The following MAGI2 variants were observed in gnomAD, a reference collection of about 807,000 sequenced individuals.
The protein encoded by MAGI2 is membrane associated guanylate kinase, WW and PDZ domain containing 2.
MAGI2 carries 35 observed loss-of-function variants against 133.3 expected under a neutral mutation model. The ratio of observed to expected loss-of-function variants is 0.26; its 90% CI spans 0.20 to 0.35. The LOEUF (loss-of-function observed/expected upper bound fraction) is 0.35. Among genes scored for constraint, MAGI2 ranks in the 10% least tolerant of loss-of-function variants. The probability of loss-of-function intolerance (pLI) is 1.00; values close to 1 mark genes in which losing one functional copy is unlikely to be tolerated. For missense variants in MAGI2, 1,636 were observed against 1,863.4 expected (o/e 0.88, Z 2.25); for synonymous variants, 729 against 710.6 (o/e 1.03, Z -0.41).
chr7:78,391,500 A>G (rs2151316391), intron 6 of MAGI2, among the ~76,000 whole-genome samples: 1 of 152,362 alleles, frequency 6.6e-6, no homozygotes, highest in East Asian at 1.9e-4. Flanking sequence ...TGCTTTTGAC[A>G]GCATCAGAAA....
At chr7:79,230,779 A>C (rs1192111078) in intron 1 of MAGI2, among the ~76,000 whole-genome samples, 1 of 151,838 alleles carries the variant, frequency 6.6e-6, no homozygotes, top group African/African-American at 2.4e-5. Context: ...TTCGCTGTGC[A>C]GAAGCTCTTT....
intron 2 of MAGI2, among the ~76,000 whole-genome samples, chr7:78,848,213 T>C (rs968853753): frequency 2.0e-5 from 3 of 151,828 alleles, no homozygotes; most frequent in South Asian, 4.1e-4. Flanking sequence ...CATCTTCCTC[T>C]AGCACGCTCC....
intron 9 of MAGI2, among the ~76,000 whole-genome samples, chr7:78,279,666 C>T (rs759866675): frequency 6.6e-6 from 1 of 151,930 alleles, no homozygotes; most frequent in Admixed American, 6.6e-5. Flanking sequence ...TGTTCAGATC[C>T]CTCTGAGTGG....
At chr7:78,309,342 G>C (rs1798500691) in intron 9 of MAGI2, among the ~76,000 whole-genome samples, 1 of 152,146 alleles carries the variant, frequency 6.6e-6, no homozygotes, top group Non-Finnish European at 1.5e-5. Flanking sequence ...ATACACCATG[G>C]AATACTATGC....
chr7:78,864,901 A>G (rs1237506907), intron 2 of MAGI2, among the ~76,000 whole-genome samples: 9 of 152,186 alleles, frequency 5.9e-5, no homozygotes, highest in Admixed American at 1.3e-4. Context: ...GAAGAAACAC[A>G]TGTGAGCAAA....
At chr7:79,188,483 T>C (rs965731156) in intron 1 of MAGI2, among the ~76,000 whole-genome samples, 1 of 151,898 alleles carries the variant, frequency 6.6e-6, no homozygotes, top group Non-Finnish European at 1.5e-5. Flanking sequence ...TGCATAGTAT[T>C]CCATGGTGTA....
chr7:78,785,003 C>T (rs1201885834), intron 2 of MAGI2, among the ~76,000 whole-genome samples: 1 of 152,130 alleles, frequency 6.6e-6, no homozygotes, highest in Non-Finnish European at 1.5e-5. Context: ...CTAAGATTAA[C>T]AGGCCTTTCT....
At chr7:79,236,350 G>A (rs1434645290) in intron 1 of MAGI2, among the ~76,000 whole-genome samples, 1 of 152,186 alleles carries the variant, frequency 6.6e-6, no homozygotes, top group Non-Finnish European at 1.5e-5. Flanking sequence ...GTTAGCCTGG[G>A]GTTCTGTTGA....
In MAGI2 at chr7:79,182,046, G is replaced by A. The variant is rs187037132; in HGVS notation, c.302-174840C>T. On this transcript the variant is annotated intron_variant, in intron 1 of 21. Coordinates refer to ENST00000354212, the MANE Select transcript of MAGI2 (RefSeq NM_012301.4). ...GTCAAAGCCATTCAAGAAGTCTCGA[G>A]GGAGCTCTAAACTGTCCCACATTTT... Among the ~76,000 whole-genome samples the A allele has an allele frequency of 1.3e-3, 198 of 152,038 alleles. 2 individuals carry two copies. In the Middle Eastern group the frequency reaches 0.021, roughly 16 times the overall value.
chr7:78,489,968 T>C, intron 5 of MAGI2, 128 bp from the exon 6 acceptor site: 1 of 662,460 alleles, frequency 1.5e-6, no homozygotes, highest in South Asian at 2.0e-5. Flanking sequence ...TTACTGGTTC[T>C]AAGTAGCCCT....
chr7:78,918,633 C>A (rs1041664531), intron 2 of MAGI2, among the ~76,000 whole-genome samples: 4 of 152,110 alleles, frequency 2.6e-5, no homozygotes, highest in South Asian at 2.1e-4. Flanking sequence ...CATCACCACA[C>A]AATAGATATC....
At chr7:79,179,289 C>T (rs1255227484) in intron 1 of MAGI2, among the ~76,000 whole-genome samples, 2 of 151,820 alleles carry the variant, frequency 1.3e-5, no homozygotes, top group Non-Finnish European at 2.9e-5. Context: ...ATTCTATATA[C>T]TCTGTTGAAC....
intron 3 of MAGI2, among the ~76,000 whole-genome samples, chr7:78,557,098 A>AAAGC (rs1799919172): frequency 9.1e-6 from 1 of 110,494 alleles, no homozygotes; most frequent in Non-Finnish European, 1.7e-5. Context: ...AAAAAAAAAA[A>AAAGC]AAGAAAAAGA....
At chr7:78,541,901 T>C (rs1348383437) in intron 3 of MAGI2, among the ~76,000 whole-genome samples, 1 of 152,212 alleles carries the variant, frequency 6.6e-6, no homozygotes, top group Non-Finnish European at 1.5e-5. Flanking sequence ...TTTTTAGGTA[T>C]TACATTTCTG....
At chr7:78,416,582 A>C (rs1798324139) in intron 6 of MAGI2, among the ~76,000 whole-genome samples, 1 of 152,098 alleles carries the variant, frequency 6.6e-6, no homozygotes, top group East Asian at 1.9e-4. Flanking sequence ...CTCCTAAATA[A>C]TTTTAAACTT....
At chr7:78,128,829 G>A (rs918184530) in intron 18 of MAGI2, among the ~76,000 whole-genome samples, 1 of 152,168 alleles carries the variant, frequency 6.6e-6, no homozygotes, top group African/African-American at 2.4e-5. Context: ...TTTATGAGGT[G>A]CATAATTTCG....
chr7:78,151,633 C>T (rs1252415254), intron 16 of MAGI2, among the ~76,000 whole-genome samples: 1 of 152,232 alleles, frequency 6.6e-6, no homozygotes, highest in Non-Finnish European at 1.5e-5. Context: ...AGGCTGACTG[C>T]TGAATCATTT....
chr7:79,100,989 G>T (rs1020849476), intron 1 of MAGI2, among the ~76,000 whole-genome samples: 9 of 151,848 alleles, frequency 5.9e-5, no homozygotes, highest in African/African-American at 1.9e-4. Context: ...ATGTTACATT[G>T]ATTTTATGTC....
intron 10 of MAGI2, among the ~76,000 whole-genome samples, chr7:78,237,072 A>G (rs909681389): frequency 1.3e-5 from 2 of 152,180 alleles, no homozygotes; most frequent in African/African-American, 4.8e-5. Flanking sequence ...TGGGAGCTAC[A>G]ATTCAAGATG....
Sources: allele counts gnomAD v4.1 joint callset (sites outside exome capture counted in the v4.1 genomes callset), GRCh38; gene constraint gnomAD v4.1.1; transcripts MANE v1.5; gene names NCBI Gene and HGNC (gene_info 2026-07-23, HGNC 2026-07-21).